WDR4: variants seen among roughly 807,000 people sequenced by gnomAD.
WDR4 encodes the protein WDR4 tRNA N7-guanosine methyltransferase non-catalytic subunit, also known as tRNA (guanine-N(7)-)-methyltransferase non-catalytic subunit WDR4.
WDR4 carries 47 observed loss-of-function variants against 48.6 expected under a neutral mutation model. The ratio of observed to expected loss-of-function variants is 0.97; its 90% CI spans 0.77 to 1.23. The LOEUF is 1.23. WDR4 is among the 50% of genes most tolerant of loss of function. The pLI is 0.00. For synonymous variants in WDR4, 268 were observed against 230.0 expected (o/e 1.17, Z -1.49); for missense variants, 606 against 551.6 (o/e 1.10, Z -0.99).
intron 7 of WDR4, among the ~76,000 whole-genome samples, chr21:42,855,255 A>G (rs1450013182): frequency 6.6e-6 from 1 of 152,180 alleles, no homozygotes; most frequent in Non-Finnish European, 1.5e-5. Context: ...GCCACACCAC[A>G]CAGTTCTCTA....
chr21:42,860,524 G>A (rs561578522), intron 5 of WDR4, among the ~76,000 whole-genome samples: 178 of 152,358 alleles, frequency 1.2e-3, no homozygotes, highest in Admixed American at 1.3e-3. Context: ...GGGGTGGCCC[G>A]TGAGCCTCAC....
chr21:42,849,862 G>C lies in WDR4; in HGVS notation c.*187C>G. On this transcript the variant is annotated 3_prime_UTR_variant, in exon 11 of 11. Transcript: ENST00000398208. ...CCCTTCAACCAGAAAGGGGGCACAG[G>C]CACCCAGCAAGAGCCTGTGCTGGTG... 1.5e-6 allele frequency: 1 copy of C among 664,772 alleles called. No homozygotes were observed. The highest frequency in any genetic ancestry group is 2.4e-6 in the Non-Finnish European group (1 of 413,118). The allele number at this position is 664,772 out of a possible 1,614,324, so 41.2% of individuals were successfully genotyped here.
At chr21:42,881,432 T>C (rs1001760717), upstream of WDR4, among the ~76,000 whole-genome samples, 1 of 152,214 alleles carries the variant, frequency 6.6e-6, no homozygotes, top group African/African-American at 2.4e-5. Flanking sequence ...ACCACACTCT[T>C]TTCTATAAGT....
intron 6 of WDR4, among the ~76,000 whole-genome samples, chr21:42,858,393 C>A (rs978627666): frequency 1.5e-4 from 23 of 152,180 alleles, no homozygotes; most frequent in African/African-American, 5.3e-4. Context: ...GCGGGAAAAC[C>A]CACAGGAGCA....
At chr21:42,861,923 T>A (rs2058125754) in intron 5 of WDR4, among the ~76,000 whole-genome samples, 1 of 152,042 alleles carries the variant, frequency 6.6e-6, no homozygotes, top group Admixed American at 6.5e-5. Flanking sequence ...ACAGCTGAAA[T>A]CACTAAAGTT....
chr21:42,849,139 A>ACC (rs2057752343), downstream of WDR4: 1 of 144,494 alleles, frequency 6.9e-6, no homozygotes, highest in Non-Finnish European at 1.5e-5. Flanking sequence ...CACCTCACAC[A>ACC]GCACACGATC....
At chr21:42,851,763 G>T (rs1192169772) in intron 10 of WDR4, among the ~76,000 whole-genome samples, 1 of 152,196 alleles carries the variant, frequency 6.6e-6, no homozygotes, top group Non-Finnish European at 1.5e-5. Flanking sequence ...CCCCTCAGCT[G>T]AGTGTTCCTG....
chr21:42,848,485 TCA>T (rs201232664), downstream of WDR4, among the ~76,000 whole-genome samples: 4,330 of 28,372 alleles, frequency 0.15, 520 homozygotes, highest in Non-Finnish European at 0.2. Flanking sequence ...CACACCTCAC[TCA>T]CACAGCGCAC....
chr21:42,855,881 A>C, intron 6 of WDR4, 101 bp from the exon 7 acceptor site: 1 of 822,690 alleles, frequency 1.2e-6, no homozygotes, highest in Non-Finnish European at 1.8e-6. Context: ...CCACTCCGTG[A>C]CAGCCATGCC....
chr21:42,847,378 G>A (rs140167243), downstream of WDR4, among the ~76,000 whole-genome samples: 3 of 152,332 alleles, frequency 2.0e-5, no homozygotes, highest in East Asian at 5.8e-4. Flanking sequence ...AGGTGAACAG[G>A]AACCAGTCTA....
At chr21:42,870,594 C>T (rs560996230) in intron 3 of WDR4, among the ~76,000 whole-genome samples, 1 of 152,118 alleles carries the variant, frequency 6.6e-6, no homozygotes, top group Middle Eastern at 3.4e-3. Context: ...TCGAAACCAG[C>T]CTGGCCAACA....
At chr21:42,856,861 T>C (rs1400076534) in intron 6 of WDR4, among the ~76,000 whole-genome samples, 1 of 151,818 alleles carries the variant, frequency 6.6e-6, no homozygotes, top group Non-Finnish European at 1.5e-5. Context: ...TCTACAGGCA[T>C]TTCACTCACC....
intron 6 of WDR4, among the ~76,000 whole-genome samples, chr21:42,856,771 A>C (rs1354135321): frequency 6.6e-6 from 1 of 152,162 alleles, no homozygotes; most frequent in African/African-American, 2.4e-5. Context: ...GAATGCACAC[A>C]CACACGCATG....
At position 42,856,570 on chromosome 21, in the gene WDR4, A is replaced by T. The variant is rs546043581; in HGVS notation, c.628-790T>A. On this transcript the variant is annotated intron_variant, in intron 6 of 10. Coordinates refer to ENST00000398208, the MANE Select transcript of WDR4 (RefSeq NM_018669.6). ...AGGCATGAGCCACCATACCTGGCTT[A>T]AAAAAAATTCATTACAGCACTAATT... Among the ~76,000 whole-genome samples, 6 of 152,104 alleles carry T rather than the reference A, an allele frequency of 3.9e-5. No homozygotes were observed. In the South Asian group the frequency reaches 1.0e-3, roughly 26 times the overall value.
intron 1 of WDR4, among the ~76,000 whole-genome samples, chr21:42,877,407 G>C (rs971386005): frequency 6.7e-6 from 1 of 148,838 alleles, no homozygotes; most frequent in African/African-American, 2.5e-5. Context: ...GCCTCCCAAA[G>C]TGCTGAGATT....
intron 2 of WDR4, 91 bp downstream of exon 2, chr21:42,876,611 C>G (rs2058497687): frequency 7.2e-6 from 9 of 1,243,054 alleles, no homozygotes; most frequent in Non-Finnish European, 9.2e-6. Context: ...GCTAAGAATT[C>G]AGCAAGTAGG....
chr21:42,850,783 G>A (rs940172222), intron 10 of WDR4, among the ~76,000 whole-genome samples: 1 of 152,228 alleles, frequency 6.6e-6, no homozygotes, highest in African/African-American at 2.4e-5. Flanking sequence ...GGCATCGAGT[G>A]TGGGATAGCA....
downstream of WDR4, among the ~76,000 whole-genome samples, chr21:42,845,501 G>A (rs953126203): frequency 1.3e-5 from 2 of 152,138 alleles, no homozygotes; most frequent in Non-Finnish European, 2.9e-5. Context: ...TCGTGAGCTT[G>A]CGGCACATTT....
At chr21:42,885,806 C>G in the WDR4 span, among the ~76,000 whole-genome samples, 4 of 151,864 alleles carry the variant, frequency 2.6e-5, no homozygotes, top group Admixed American at 2.6e-4. Context: ...GTGGATTGTC[C>G]CATCTTGGTC....
Sources: gnomAD v4.1 joint callset for allele counts (sites outside exome capture counted in the v4.1 genomes callset) on GRCh38, gnomAD v4.1.1 for gene constraint, MANE v1.5 for transcripts, NCBI Gene and HGNC (gene_info 2026-07-23, HGNC 2026-07-21) for gene names.